SHARPIN: variants seen among roughly 807,000 people sequenced by gnomAD.
The protein encoded by SHARPIN is hSIPL1.
Under a neutral mutation model 40.3 loss-of-function variants are expected in SHARPIN, and 25 were observed. The observed-to-expected ratio is 0.62, with a 90% CI of 0.45 to 0.87. SHARPIN has a LOEUF of 0.87. Ranked by LOEUF, SHARPIN falls within the 40% of genes least tolerant of loss-of-function variation. The probability of loss-of-function intolerance (pLI) is 0.00; values close to 1 mark genes in which losing one functional copy is unlikely to be tolerated. For synonymous variants in SHARPIN, 274 were observed against 221.8 expected (o/e 1.24, Z -2.09); for missense variants, 551 against 516.1 (o/e 1.07, Z -0.66).
intron 2 of SHARPIN, among the ~76,000 whole-genome samples, chr8:144,101,402 A>ATT (rs1836284076): frequency 1.2e-5 from 1 of 83,340 alleles, no homozygotes; most frequent in South Asian, 5.0e-4. Flanking sequence ...ACACTCAGCT[A>ATT]ATTTTTTTTT....
intron 7 of SHARPIN, 42 bp downstream of exon 7, chr8:144,099,039 C>A: frequency 6.3e-7 from 1 of 1,586,838 alleles, no homozygotes; most frequent in Middle Eastern, 1.7e-4. Flanking sequence ...CTTTCCAATG[C>A]CCATGGCTGT....
chr8:144,099,543 G>A lies in SHARPIN; in HGVS notation c.735C>T (p.His245=), dbSNP rs1390735286. The change falls in exon 5 of 9, where the codon CAC becomes CAT. Residue 245 remains histidine (H), a synonymous_variant. Transcript: ENST00000398712. ...ASSAHVALQV[H]PHCTVAALQE... Reference sequence around the variant, plus strand: ...GGAGAGCTGCAACAGTGCAGTGGGGGTGGACCTGCAGGGCAACGTGTGCAG... The same window carrying A: ...GGAGAGCTGCAACAGTGCAGTGGGGATGGACCTGCAGGGCAACGTGTGCAG... The A allele has an allele frequency of 6.2e-7, 1 of 1,614,092 alleles. No homozygotes were observed.
In SHARPIN at chr8:144,098,944, A is replaced by T. The variant is rs1836224005; in HGVS notation, c.1098T>A (p.Pro366=). The change falls in exon 8 of 9, where the codon CCT becomes CCA. Residue 366 remains proline (P), a synonymous_variant. Transcript: ENST00000398712. ...SCTFINAPDR[P]GCEMCSTQRP... Reference sequence around the variant, plus strand: ...TCTGGGTGCTACACATCTCACAGCCAGGGCGGTCTGGGGCATTGATGAAGG... The same window carrying T: ...TCTGGGTGCTACACATCTCACAGCCTGGGCGGTCTGGGGCATTGATGAAGG... 2 of 1,593,098 alleles carry T rather than the reference A, an allele frequency of 1.3e-6. No homozygotes were observed. The highest frequency in any genetic ancestry group is 4.5e-5 in the East Asian group (2 of 44,690).
chr8:144,099,113 GCTGGGGGC>G lies in SHARPIN; in HGVS notation c.1007_1014del (p.Gly336AlafsTer31). 1.3e-6 allele frequency: 2 copies of G among 1,585,838 alleles called. No individual in the cohort carries two copies. The highest frequency in any genetic ancestry group is 4.5e-5 in the East Asian group (2 of 44,638). On this transcript the variant is annotated frameshift_variant, in exon 7 of 9. Coordinates refer to ENST00000398712, the MANE Select transcript of SHARPIN (RefSeq NM_030974.4). LOFTEE classifies it high-confidence loss of function. ...GGACTGGGCAGGCTGGAGGCAGCTG[GCTGGGGGC>G]CTGGGGGTAGCCCCAATGATGGGGG...
At chr8:144,100,573 TG>T (rs201311129) in intron 2 of SHARPIN, among the ~76,000 whole-genome samples, 1 of 152,178 alleles carries the variant, frequency 6.6e-6, no homozygotes, top group Non-Finnish European at 1.5e-5. Flanking sequence ...CCCACTGCAA[TG>T]GGGGGGTCCC....
In SHARPIN at chr8:144,103,198, C is replaced by T. The variant is rs1405339038; in HGVS notation, c.229G>A (p.Val77Ile). Residue 77 changes from valine (V) to isoleucine (I), a missense_variant, in exon 2 of 9, where the codon GTT becomes ATT. By Grantham distance (29) the Val-to-Ile change is conservative (BLOSUM62 3). Transcript: ENST00000398712. ...AVNLEWPLES[V>I]SYTIRGPTQH... is the part of the protein sequence containing the mutation. ...GTGGGGCCTCGGATGGTGTAGGAAA[C>T]TGACTCCAGGGGCCACTCCAAATTA... The T allele has an allele frequency of 2.5e-6, 4 of 1,612,186 alleles. No individual in the cohort carries two copies. The highest frequency in any genetic ancestry group is 1.7e-5 in the Admixed American group (1 of 59,856).
Position 144,098,908 on chromosome 8 carries a change from A to C in SHARPIN, c.1134T>G (p.Thr378=), listed in dbSNP as rs1836223428. The C allele has an allele frequency of 1.2e-5, 19 of 1,589,894 alleles. No homozygotes were observed. The highest frequency in any genetic ancestry group is 1.5e-5 in the Non-Finnish European group (18 of 1,172,348). ...CEMCSTQRPC[T]WDPLAAAST is the part of the protein sequence containing the mutation. Reference sequence around the variant, plus strand: ...TGGAAGCTGCAGCAAGGGGGTCCCAAGTGCAGGGCCTCTGGGTGCTACACA... The same window carrying C: ...TGGAAGCTGCAGCAAGGGGGTCCCACGTGCAGGGCCTCTGGGTGCTACACA... The change falls in exon 8 of 9, where the codon ACT becomes ACG. Residue 378 remains threonine (T), a synonymous_variant. Transcript: ENST00000398712.
At position 144,099,731 on chromosome 8, in the gene SHARPIN, C is replaced by A; in HGVS notation, c.631G>T (p.Glu211Ter). 5.6e-6 allele frequency: 9 copies of A among 1,613,536 alleles called. No individual in the cohort carries two copies. The highest frequency in any genetic ancestry group is 7.6e-6 in the Non-Finnish European group (9 of 1,179,982). Residue 211 changes from glutamate (E) to a stop codon, truncating the protein, a stop_gained, in exon 4 of 9, where the codon GAG (glutamate) becomes TAG (stop). Coordinates refer to ENST00000398712, the MANE Select transcript of SHARPIN (RefSeq NM_030974.4). LOFTEE classifies it high-confidence loss of function. ...ATGGGGCCAGGTGGGAAGCAGGCCT[C>A]CTGAAGCTGAACACTCAGGGCCACA... The part of the protein sequence containing the change: ...HRVALSVQLQ[E>*]ACFPPGPIRL...
At position 144,103,177 on chromosome 8, in the gene SHARPIN, G is replaced by A. The variant is rs1836324228; in HGVS notation, c.250C>T (p.Pro84Ser). ...GGAGGCTGTAGCTCGTGCTGGGTGG[G>A]GCCTCGGATGGTGTAGGAAACTGAC... ...LESVSYTIRG[P>S]TQHELQPPPG... The change falls in exon 2 of 9, where the codon CCC becomes TCC. Residue 84 changes from proline (P) to serine (S), a missense_variant. Coordinates refer to ENST00000398712, the MANE Select transcript of SHARPIN (RefSeq NM_030974.4). 19 of 1,613,320 alleles carry A rather than the reference G, an allele frequency of 1.2e-5. No individual in the cohort carries two copies. Among genetic ancestry groups the A allele is most frequent in the Non-Finnish European group, 1.5e-5 (18 of 1,179,930 alleles).
At chr8:144,102,309 T>C (rs1836303376) in intron 2 of SHARPIN, among the ~76,000 whole-genome samples, 1 of 147,642 alleles carries the variant, frequency 6.8e-6, no homozygotes, top group African/African-American at 2.5e-5. Context: ...AGTCTTGCTC[T>C]GTCACCCAGG....
Position 144,102,538 on chromosome 8 carries a change from G to C in SHARPIN, c.376+513C>G, listed in dbSNP as rs1246823986. On this transcript the variant is annotated intron_variant, in intron 2 of 8. Transcript: ENST00000398712. ...ATCACCCACCTCGGCCTCCCAAAGT[G>C]CTGGAATTACAGGCGTGAGCCACCC... 7 of 167,872 alleles carry C rather than the reference G, an allele frequency of 4.2e-5. No individual in the cohort carries two copies. In the South Asian group the frequency reaches 8.3e-4, roughly 20 times the overall value. The allele number at this position is 167,872 out of a possible 1,614,324, so 10.4% of individuals were successfully genotyped here.
chr8:144,102,839 T>A, intron 2 of SHARPIN: 1 of 649,430 alleles, frequency 1.5e-6, no homozygotes, highest in East Asian at 2.6e-5. Context: ...TGGTGGAGGC[T>A]GCAACTTGTG....
chr8:144,103,490 C>T (rs1388995385), intron 1 of SHARPIN, 63 bp downstream of exon 1: 3 of 1,494,364 alleles, frequency 2.0e-6, no homozygotes, highest in Admixed American at 2.0e-5. Flanking sequence ...AGGGGCCTAA[C>T]TTTGGGCTCC....
Position 144,103,706 on chromosome 8 carries a change from G to T in SHARPIN, c.48C>A (p.Gly16=), listed in dbSNP as rs541657469. The T allele has an allele frequency of 3.5e-6, 5 of 1,440,718 alleles. No individual in the cohort carries two copies. The highest frequency in any genetic ancestry group is 2.7e-5 in the Admixed American group (1 of 36,840). 89.2% of individuals were successfully genotyped at this position (1,440,718 alleles called of 1,614,324 possible). A position where few individuals can be genotyped will look rare whatever the true frequency, so the allele number is the denominator to read the frequency against. Reference sequence around the variant, plus strand: ...GCACAGCCAAGAGCACTGCGGCGGAGCCCAAGTCCGAGGCCGCCGCCGCCG... The same window carrying T: ...GCACAGCCAAGAGCACTGCGGCGGATCCCAAGTCCGAGGCCGCCGCCGCCG... ...GGAAAAASDL[G]SAAVLLAVHA... The change falls in exon 1 of 9, where the codon GGC becomes GGA. Residue 16 remains glycine (G), a synonymous_variant. Transcript: ENST00000398712.
In SHARPIN at chr8:144,098,954, G is replaced by A. The variant is rs1836224382; in HGVS notation, c.1088C>T (p.Pro363Leu). The A allele has an allele frequency of 6.3e-7, 1 of 1,595,856 alleles. No individual in the cohort carries two copies. Among genetic ancestry groups the A allele is most frequent in the Admixed American group, 1.9e-5 (1 of 53,100 alleles). ...ACACATCTCACAGCCAGGGCGGTCT[G>A]GGGCATTGATGAAGGTGCAGGAAGG... The part of the protein sequence containing the change: ...SCPSCTFINA[P>L]DRPGCEMCST... The change falls in exon 8 of 9, where the codon CCA (proline) becomes CTA (leucine). Residue 363 changes from proline (P) to leucine (L), a missense_variant. Transcript: ENST00000398712.
rs1836216982 is a variant in SHARPIN, at chr8:144,098,697, G to A, written c.*104C>T. On this transcript the variant is annotated 3_prime_UTR_variant, in exon 9 of 9. Coordinates refer to ENST00000398712, the MANE Select transcript of SHARPIN (RefSeq NM_030974.4). ...GCCCTTCCCCCCAACCCTGGTGACT[G>A]TCCCAGCAAGCAGTCAGTAGAGGTC... 3 of 513,866 alleles carry A rather than the reference G, an allele frequency of 5.8e-6. No homozygotes were observed. Among genetic ancestry groups the A allele is most frequent in the Non-Finnish European group, 1.0e-5 (3 of 293,348 alleles). 31.8% of individuals were successfully genotyped at this position (513,866 alleles called of 1,614,324 possible).
At position 144,103,193 on chromosome 8, in the gene SHARPIN, G is replaced by C. The variant is rs747573095; in HGVS notation, c.234C>G (p.Ser78=). The change falls in exon 2 of 9, where the codon TCC becomes TCG. Residue 78 remains serine (S), a synonymous_variant. Transcript: ENST00000398712. ...GCTGGGTGGGGCCTCGGATGGTGTA[G>C]GAAACTGACTCCAGGGGCCACTCCA... ...VNLEWPLESV[S]YTIRGPTQHE... is the part of the protein sequence containing the mutation. 6.2e-6 allele frequency: 10 copies of C among 1,612,670 alleles called. No individual in the cohort carries two copies. Among genetic ancestry groups the C allele is most frequent in the Non-Finnish European group, 6.8e-6 (8 of 1,179,528 alleles).
intron 2 of SHARPIN, 69 bp downstream of exon 2, chr8:144,102,982 C>A: frequency 2.5e-6 from 4 of 1,591,516 alleles, no homozygotes; most frequent in Non-Finnish European, 3.4e-6. Context: ...GTGGATCCAA[C>A]TTCCCCAACC....
chr8:144,098,816 G>A (rs1836221056), intron 8 of SHARPIN, 28 bp from the exon 9 acceptor site: 2 of 1,318,344 alleles, frequency 1.5e-6, no homozygotes, highest in African/African-American at 3.0e-5. Flanking sequence ...GGTCATTCCT[G>A]TGGATTCTGC....
Sources: gnomAD v4.1 joint callset for allele counts (sites outside exome capture counted in the v4.1 genomes callset) on GRCh38, gnomAD v4.1.1 for gene constraint, MANE v1.5 for transcripts, NCBI Gene and HGNC (gene_info 2026-07-23, HGNC 2026-07-21) for gene names.